The following B4GALNT3 variants were observed in gnomAD, a reference collection of about 807,000 sequenced individuals.
B4GALNT3 encodes beta-1,4-N-acetyl-galactosaminyltransferase 3.
A neutral mutation model predicts 120.2 loss-of-function variants in B4GALNT3; 86 were observed. The observed-to-expected ratio is 0.72, with a 90% CI of 0.60 to 0.86. The LOEUF (loss-of-function observed/expected upper bound fraction) is 0.86, where lower values mean the gene tolerates loss of function less well. B4GALNT3 is among the 40% of genes least tolerant of loss of function. B4GALNT3 has a pLI of 0.00. For missense variants in B4GALNT3, 1,167 were observed against 1,298.9 expected (o/e 0.90, Z 1.56); for synonymous variants, 518 against 510.4 (o/e 1.01, Z -0.20).
chr12:495,019 G>A (rs372388466), intron 1 of B4GALNT3, among the ~76,000 whole-genome samples: 15 of 152,218 alleles, frequency 9.9e-5, no homozygotes, highest in African/African-American at 3.1e-4. Flanking sequence ...GCACAGTGCC[G>A]GCATTTTACT....
At chr12:469,625 G>A (rs1232956945) in intron 1 of B4GALNT3, among the ~76,000 whole-genome samples, 3 of 152,050 alleles carry the variant, frequency 2.0e-5, no homozygotes, top group Admixed American at 2.0e-4. Context: ...TTATATTAGG[G>A]GTGGGGGCCA....
rs575604135 is a variant in B4GALNT3 at position 525,086 on chromosome 12, T to TTTTATTTATTTATTTATTTA, written c.170-10065_170-10046dup. Among the ~76,000 whole-genome samples the TTTTATTTATTTATTTATTTA allele has an allele frequency of 7.9e-3, 1,034 of 130,608 alleles. 3 individuals carry two copies. The highest frequency in any genetic ancestry group is 0.018 in the Middle Eastern group (4 of 224). The allele number at this position is 130,608 out of a possible 152,430, so 85.7% of individuals were successfully genotyped here. A position where few individuals can be genotyped will look rare whatever the true frequency, so the allele number is the denominator to read the frequency against. ...TCTAGCCTCTTCATAAATAACACAA[T>TTTTATTTATTTATTTATTTA]TTTATTTATTTATTTATTTATTTAT... On this transcript the variant is annotated intron_variant, in intron 1 of 19. Transcript: ENST00000266383.
At chr12:534,763 CG>C (rs1481387626) in intron 1 of B4GALNT3, among the ~76,000 whole-genome samples, 6 of 152,342 alleles carry the variant, frequency 3.9e-5, no homozygotes, top group Admixed American at 3.9e-4. Flanking sequence ...TGCTGTTCCC[CG>C]GGCTCAGGGC....
intron 1 of B4GALNT3, among the ~76,000 whole-genome samples, chr12:502,234 A>T (rs889814385): frequency 2.0e-5 from 3 of 152,194 alleles, no homozygotes; most frequent in Non-Finnish European, 4.4e-5. Context: ...GCATGGACCC[A>T]GTTGGCTGAC....
At chr12:511,320 T>TTCC (rs1565597762) in intron 1 of B4GALNT3, among the ~76,000 whole-genome samples, 68 of 42,012 alleles carry the variant, frequency 1.6e-3, no homozygotes, top group African/African-American at 2.8e-3. Flanking sequence ...TTCCGCCTTC[T>TTCC]GCCTTCCACC....
Position 540,825 on chromosome 12 carries a change from C to G in B4GALNT3, c.352-3514C>G, listed in dbSNP as rs545948154. On this transcript the variant is annotated intron_variant, in intron 3 of 19. Transcript: ENST00000266383. ...GTGGTCGGATCTCGGCTCACTGCAACCTCCGCCTTCCGGGTTCACACCATT... is the reference window on the plus strand; with the variant it reads ...GTGGTCGGATCTCGGCTCACTGCAAGCTCCGCCTTCCGGGTTCACACCATT... Among the ~76,000 whole-genome samples, 24 of 152,168 alleles carry G rather than the reference C, an allele frequency of 1.6e-4. No homozygotes were observed. The South Asian group carries it at 5.0e-3, about 32-fold the overall frequency.
At chr12:535,040 C>A in intron 1 of B4GALNT3, 126 bp from the exon 2 acceptor site, 4 of 721,960 alleles carry the variant, frequency 5.5e-6, no homozygotes, top group Non-Finnish European at 2.2e-6. Context: ...CAGCCCTCTT[C>A]CCACCCACCC....
At chr12:516,145 CAAA>C (rs1314469750) in intron 1 of B4GALNT3, among the ~76,000 whole-genome samples, 2 of 76,778 alleles carry the variant, frequency 2.6e-5, no homozygotes, top group Non-Finnish European at 2.9e-5. Context: ...GACTCCGTCT[CAAA>C]AAAAAAAAAA....
chr12:541,170 G>T (rs954863388), intron 3 of B4GALNT3, among the ~76,000 whole-genome samples: 2 of 152,268 alleles, frequency 1.3e-5, no homozygotes, highest in African/African-American at 4.8e-5. Context: ...CTGCGGCCCA[G>T]TGAGGGCCCG....
Position 557,618 on chromosome 12 carries a change from G to C in B4GALNT3, c.2391G>C (p.Gln797His). Reference sequence around the variant, plus strand: ...GACCCCCTGGGGTAGTGAAGAACCAGGCACGCTGGGTACAGCAATTCATCA... The same window carrying C: ...GACCCCCTGGGGTAGTGAAGAACCACGCACGCTGGGTACAGCAATTCATCA... ...VVHFVVPVKN[Q>H]ARWVQQFIKD... The change falls in exon 16 of 20, where the codon CAG becomes CAC. Residue 797 changes from glutamine (Q) to histidine (H), a missense_variant. By Grantham distance (24) the Gln-to-His change is conservative. Transcript: ENST00000266383. 1 of 1,610,668 alleles carries C rather than the reference G, an allele frequency of 6.2e-7. No individual in the cohort carries two copies. Among genetic ancestry groups the C allele is most frequent in the Non-Finnish European group, 8.5e-7 (1 of 1,178,930 alleles).
chr12:528,607 A>G (rs1156671904), intron 1 of B4GALNT3, among the ~76,000 whole-genome samples: 1 of 152,180 alleles, frequency 6.6e-6, no homozygotes. Flanking sequence ...GGTTTGCCTT[A>G]GGGACTCCCT....
chr12:536,090 G>A (rs1189054676), intron 2 of B4GALNT3, 128 bp from the exon 3 acceptor site: 2 of 702,650 alleles, frequency 2.8e-6, no homozygotes, highest in Non-Finnish European at 5.1e-6. Flanking sequence ...CCCAGGACAT[G>A]GTGTGAATGA....
At chr12:499,101 G>T (rs1269269294) in intron 1 of B4GALNT3, among the ~76,000 whole-genome samples, 1 of 152,282 alleles carries the variant, frequency 6.6e-6, no homozygotes, top group African/African-American at 2.4e-5. Context: ...TGAGAGTTTT[G>T]GGGGAGGATA....
At chr12:513,127 G>GCCTTCCA (rs1244000850) in intron 1 of B4GALNT3, among the ~76,000 whole-genome samples, 3 of 67,962 alleles carry the variant, frequency 4.4e-5, no homozygotes, top group Admixed American at 2.3e-4. Context: ...TCCACCTTCC[G>GCCTTCCA]CCTTCCACCT....
At chr12:495,081 T>C (rs1225507787) in intron 1 of B4GALNT3, among the ~76,000 whole-genome samples, 1 of 152,232 alleles carries the variant, frequency 6.6e-6, no homozygotes, top group African/African-American at 2.4e-5. Context: ...GCACAATGGA[T>C]GCACTTTGTA....
At chr12:557,965 G>A (rs752721918) in intron 16 of B4GALNT3, 51 bp from the exon 17 acceptor site, 1 of 1,590,696 alleles carries the variant, frequency 6.3e-7, no homozygotes, top group African/African-American at 1.3e-5. Flanking sequence ...TTCCTCCAGG[G>A]GACCACCGCA....
At chr12:475,950 C>T (rs987252253) in intron 1 of B4GALNT3, among the ~76,000 whole-genome samples, 7 of 152,174 alleles carry the variant, frequency 4.6e-5, no homozygotes, top group African/African-American at 1.4e-4. Context: ...GTGTTTCCTC[C>T]GTATGGACAT....
chr12:472,385 A>G (rs537020949), intron 1 of B4GALNT3, among the ~76,000 whole-genome samples: 24 of 152,340 alleles, frequency 1.6e-4, no homozygotes, highest in Middle Eastern at 3.4e-3. Context: ...GACTCAAACA[A>G]TCACCCCACC....
chr12:493,374 A>G (rs900347945), intron 1 of B4GALNT3, among the ~76,000 whole-genome samples: 4 of 152,218 alleles, frequency 2.6e-5, no homozygotes, highest in Admixed American at 2.6e-4. Flanking sequence ...AGATATCACT[A>G]CACACCTATT....
Sources: gnomAD v4.1 joint callset for allele counts (sites outside exome capture counted in the v4.1 genomes callset) on GRCh38, gnomAD v4.1.1 for gene constraint, MANE v1.5 for transcripts, NCBI Gene and HGNC (gene_info 2026-07-23, HGNC 2026-07-21) for gene names.